The following GPRIN2 variants were observed in gnomAD, a reference collection of about 807,000 sequenced individuals.
The protein encoded by GPRIN2 is G protein regulated inducer of neurite outgrowth 2.
GPRIN2 carries 1 observed loss-of-function variant against 0.3 expected under a neutral mutation model. The observed-to-expected ratio is 3.90, with a 90% CI of 1.39 to 18.51. The LOEUF (loss-of-function observed/expected upper bound fraction) is 18.51. Among genes scored for constraint, GPRIN2 ranks in the 30% most tolerant of loss-of-function variants. The probability of loss-of-function intolerance (pLI) is 0.11; values close to 1 mark genes in which losing one functional copy is unlikely to be tolerated. For synonymous variants in GPRIN2, 361 were observed against 258.6 expected (o/e 1.40, Z -3.80); for missense variants, 880 against 604.2 (o/e 1.46, Z -4.79).
In GPRIN2 at chr10:46,551,437, G is replaced by A. The variant is rs1006477200; in HGVS notation, c.-6-695C>T. 14 of 985,528 alleles carry A rather than the reference G, an allele frequency of 1.4e-5. No individual in the cohort carries two copies. In the African/African-American group the frequency reaches 2.3e-4, roughly 16 times the overall value. The allele number at this position is 985,528 out of a possible 1,614,324, so 61.0% of individuals were successfully genotyped here. ...CTACCTCTAGCTCCAGGGGCAAGGA[G>A]AGGCCCCATGCATCAGCTTTTTCCA... On this transcript the variant is annotated intron_variant, in intron 2 of 2. Coordinates refer to ENST00000374314, the MANE Select transcript of GPRIN2 (RefSeq NM_001385282.1).
rs1555019233 is a variant in GPRIN2, at chr10:46,550,192, G to A, written c.545C>T (p.Thr182Ile). Residue 182 changes from threonine (T) to isoleucine (I), a missense_variant, in exon 3 of 3, where the codon ACT becomes ATT. Coordinates refer to ENST00000374314, the MANE Select transcript of GPRIN2 (RefSeq NM_001385282.1). ...LERDLAPEDE[T>I]SNSAWMLGAS... ...CCCCAGCATCCAGGCTGAGTTAGAA[G>A]TCTCATCCTCAGGAGCCAGGTCCCT... 3 of 1,600,620 alleles carry A rather than the reference G, an allele frequency of 1.9e-6. No homozygotes were observed. Among genetic ancestry groups the A allele is most frequent in the South Asian group, 2.2e-5 (2 of 89,572 alleles).
rs1266388307 is a variant in GPRIN2, at chr10:46,546,703, G to C, written c.*2657C>G. 2.0e-5 allele frequency among the ~76,000 whole-genome samples: 3 copies of C among 152,310 alleles called. No individual in the cohort carries two copies. Among genetic ancestry groups the C allele is most frequent in the Non-Finnish European group, 4.4e-5 (3 of 68,058 alleles). The stretch of plus-strand genomic sequence containing the variant: ...GTTCCAGGAGAGGGCACAGCAAAGG[G>C]GGTTGGGAGGGGTCTCCAGTTCCAA... On this transcript the variant is annotated 3_prime_UTR_variant, in exon 3 of 3. Coordinates refer to ENST00000374314, the MANE Select transcript of GPRIN2 (RefSeq NM_001385282.1).
In GPRIN2 at chr10:46,542,689, T is replaced by C. The variant is rs1841850132; in HGVS notation, c.*6671A>G. Among the ~76,000 whole-genome samples the C allele has an allele frequency of 1.3e-5, 2 of 152,308 alleles. No homozygotes were observed. Among genetic ancestry groups the C allele is most frequent in the Admixed American group, 1.3e-4 (2 of 15,292 alleles). Reference sequence around the variant, plus strand: ...TTATAGCAGCATGAAAATGGACTAATATGGAGGGGTCAAAGACAGAAATCT... The same window carrying C: ...TTATAGCAGCATGAAAATGGACTAACATGGAGGGGTCAAAGACAGAAATCT... On this transcript the variant is annotated 3_prime_UTR_variant, in exon 3 of 3. Transcript: ENST00000374314.
chr10:46,542,936 A>T lies in GPRIN2; in HGVS notation c.*6424T>A, dbSNP rs1841868186. Among the ~76,000 whole-genome samples, 1 of 152,308 alleles carries T rather than the reference A, an allele frequency of 6.6e-6. No individual in the cohort carries two copies. The highest frequency in any genetic ancestry group is 6.5e-5 in the Admixed American group (1 of 15,294). ...ACCTGATGTACCTCTCTAGCAGCCT[A>T]GCCAGCCAGCCACCAACAAGGGCCA... On this transcript the variant is annotated 3_prime_UTR_variant, in exon 3 of 3. Transcript: ENST00000374314.
intron 2 of GPRIN2, among the ~76,000 whole-genome samples, chr10:46,552,008 C>T (rs1309503215): frequency 2.6e-5 from 4 of 152,312 alleles, no homozygotes; most frequent in Non-Finnish European, 5.9e-5. Context: ...TGTGCCTGAC[C>T]AAGAGAACAA....
In GPRIN2 at chr10:46,546,740, G is replaced by A. The variant is rs1842195166; in HGVS notation, c.*2620C>T. On this transcript the variant is annotated 3_prime_UTR_variant, in exon 3 of 3. Coordinates refer to ENST00000374314, the MANE Select transcript of GPRIN2 (RefSeq NM_001385282.1). ...GTCTCCAGTTCCAATCAGAAATGAGGCTGCAGTCACTTCAGGTAGACCTGT... is the reference window on the plus strand; with the variant it reads ...GTCTCCAGTTCCAATCAGAAATGAGACTGCAGTCACTTCAGGTAGACCTGT... 6.6e-6 allele frequency among the ~76,000 whole-genome samples: 1 copy of A among 152,312 alleles called. No homozygotes were observed. Among genetic ancestry groups the A allele is most frequent in the Non-Finnish European group, 1.5e-5 (1 of 68,058 alleles).
At position 46,549,783 on chromosome 10, in the gene GPRIN2, T is replaced by G; in HGVS notation, c.954A>C (p.Ser318=). ...CCTCTGCAGGGGCCAAGTCATTGGC[T>G]GAGGTCATGGTCCACACATCTTTGG... The part of the protein sequence containing the change: ...SRTKDVWTMT[S]ANDLAPAEAS... The change falls in exon 3 of 3, where the codon TCA becomes TCC. Residue 318 remains serine (S), a synonymous_variant. Coordinates refer to ENST00000374314, the MANE Select transcript of GPRIN2 (RefSeq NM_001385282.1). 1 of 1,614,186 alleles carries G rather than the reference T, an allele frequency of 6.2e-7. No individual in the cohort carries two copies. Among genetic ancestry groups the G allele is most frequent in the Non-Finnish European group, 8.5e-7 (1 of 1,180,046 alleles).
At position 46,547,680 on chromosome 10, in the gene GPRIN2, T is replaced by C. The variant is rs1048943619; in HGVS notation, c.*1680A>G. 4.0e-4 allele frequency among the ~76,000 whole-genome samples: 61 copies of C among 152,356 alleles called. No individual in the cohort carries two copies. The highest frequency in any genetic ancestry group is 9.2e-4 in the Admixed American group (14 of 15,290). On this transcript the variant is annotated 3_prime_UTR_variant, in exon 3 of 3. Coordinates refer to ENST00000374314, the MANE Select transcript of GPRIN2 (RefSeq NM_001385282.1). ...CTCATGTGGCCCTAACAGGCTGGGGTTCCTGGAGACTCCATGGGGAGCCAG... is the reference window on the plus strand; with the variant it reads ...CTCATGTGGCCCTAACAGGCTGGGGCTCCTGGAGACTCCATGGGGAGCCAG...
chr10:46,543,391 A>G lies in GPRIN2; in HGVS notation c.*5969T>C, dbSNP rs1175727639. Among the ~76,000 whole-genome samples the G allele has an allele frequency of 6.6e-6, 1 of 152,310 alleles. No individual in the cohort carries two copies. The highest frequency in any genetic ancestry group is 1.5e-5 in the Non-Finnish European group (1 of 68,058). On this transcript the variant is annotated 3_prime_UTR_variant, in exon 3 of 3. Transcript: ENST00000374314. Reference sequence around the variant, plus strand: ...TAACCCAGAACAAAGAGAACATGAAACCACAAAAGAAGAACAGATTAAAGA... The same window carrying G: ...TAACCCAGAACAAAGAGAACATGAAGCCACAAAAGAAGAACAGATTAAAGA...
chr10:46,549,907 T>C lies in GPRIN2; in HGVS notation c.830A>G (p.Lys277Arg). Residue 277 changes from lysine to arginine, a missense_variant, in exon 3 of 3, where the codon AAG (lysine) becomes AGG (arginine). By Grantham distance (26) the Lys-to-Arg change is conservative. Transcript: ENST00000374314. ...ESGLQAQHGVKIHCRLSGGLP... is the reference protein window; with the variant it reads ...ESGLQAQHGVRIHCRLSGGLP... ...CCCCCCAGACAACCTACAGTGGATC[T>C]TCACCCCATGCTGAGCCTGCAGCCC... 6.2e-7 allele frequency: 1 copy of C among 1,614,280 alleles called. No individual in the cohort carries two copies. Among genetic ancestry groups the C allele is most frequent in the Non-Finnish European group, 8.5e-7 (1 of 1,180,060 alleles).
rs897752340 is a variant in GPRIN2, at chr10:46,543,202, C to T, written c.*6158G>A. On this transcript the variant is annotated 3_prime_UTR_variant, in exon 3 of 3. Transcript: ENST00000374314. ...CATGTAAATCACAAATGCCAAGACC[C>T]AGACACAGCCACAGCTGGGGGCCTG... 6.6e-6 allele frequency among the ~76,000 whole-genome samples: 1 copy of T among 152,304 alleles called. No homozygotes were observed. Among genetic ancestry groups the T allele is most frequent in the Non-Finnish European group, 1.5e-5 (1 of 68,054 alleles).
rs1833011150 is a variant in GPRIN2 at position 46,544,020 on chromosome 10, G to A, written c.*5340C>T. Among the ~76,000 whole-genome samples, 49 of 152,226 alleles carry A rather than the reference G, an allele frequency of 3.2e-4. No individual in the cohort carries two copies. Among genetic ancestry groups the A allele is most frequent in the Middle Eastern group, 6.8e-3 (2 of 292 alleles). On this transcript the variant is annotated 3_prime_UTR_variant, in exon 3 of 3. Transcript: ENST00000374314. ...GGTGTTCTTCTGCTTTATTATTCCC[G>A]TGTAGCCACAGCAACAGAACTGGCC...
At position 46,547,811 on chromosome 10, in the gene GPRIN2, C is replaced by A. The variant is rs1842302649; in HGVS notation, c.*1549G>T. On this transcript the variant is annotated 3_prime_UTR_variant, in exon 3 of 3. Coordinates refer to ENST00000374314, the MANE Select transcript of GPRIN2 (RefSeq NM_001385282.1). Reference sequence around the variant, plus strand: ...AGCCCCAGAATCCCAAGGGGTGCACCTATGCATATGGGAAAGGCATGTTTA... The same window carrying A: ...AGCCCCAGAATCCCAAGGGGTGCACATATGCATATGGGAAAGGCATGTTTA... Among the ~76,000 whole-genome samples the A allele has an allele frequency of 6.6e-6, 1 of 152,308 alleles. No homozygotes were observed. The highest frequency in any genetic ancestry group is 2.4e-5 in the African/African-American group (1 of 41,486).
At position 46,550,677 on chromosome 10, in the gene GPRIN2, G is replaced by A. The variant is rs1555020902; in HGVS notation, c.60C>T (p.Pro20=). The part of the protein sequence containing the change: ...PWAPLSPRLQ[P]LSQSSSSLLG... ...GCAGGCTGGAAGAGCTCTGGGACAG[G>A]GGCTGAAGGCGGGGGCTCAGGGGTG... Residue 20 remains proline, a synonymous_variant, in exon 3 of 3, where the codon CCC becomes CCT. Transcript: ENST00000374314. 26 of 1,521,426 alleles carry A rather than the reference G, an allele frequency of 1.7e-5. No homozygotes were observed. Among genetic ancestry groups the A allele is most frequent in the East Asian group, 2.3e-5 (1 of 43,402 alleles). The allele number at this position is 1,521,426 out of a possible 1,614,324, so 94.2% of individuals were successfully genotyped here.
intron 1 of GPRIN2, among the ~76,000 whole-genome samples, chr10:46,555,807 C>A (rs1264650451): frequency 1.3e-5 from 2 of 152,304 alleles, no homozygotes; most frequent in Admixed American, 6.5e-5. Context: ...CGGTGTGTCC[C>A]TATCTGCACG....
In GPRIN2 at chr10:46,542,329, A is replaced by G. The variant is rs1448929454; in HGVS notation, c.*7031T>C. On this transcript the variant is annotated 3_prime_UTR_variant, in exon 3 of 3. Coordinates refer to ENST00000374314, the MANE Select transcript of GPRIN2 (RefSeq NM_001385282.1). The stretch of plus-strand genomic sequence containing the variant: ...TGCTTTGGCTGTGTCCCCACCCAAA[A>G]TCTCATCTTGAATTGTAATCCCTAT... 6.6e-6 allele frequency among the ~76,000 whole-genome samples: 1 copy of G among 152,312 alleles called. No homozygotes were observed. Among genetic ancestry groups the G allele is most frequent in the African/African-American group, 2.4e-5 (1 of 41,488 alleles).
rs1832272100 is a variant in GPRIN2, at chr10:46,550,700, G to A, written c.37C>T (p.Pro13Ser). 1.3e-6 allele frequency: 2 copies of A among 1,512,162 alleles called. No homozygotes were observed. The highest frequency in any genetic ancestry group is 1.4e-5 in the South Asian group (1 of 73,626). 93.7% of individuals were successfully genotyped at this position (1,512,162 alleles called of 1,614,324 possible). A position where few individuals can be genotyped will look rare whatever the true frequency, so the allele number is the denominator to read the frequency against. The part of the protein sequence containing the change: ...SSRPEPGPWA[P>S]LSPRLQPLSQ... The stretch of plus-strand genomic sequence containing the variant: ...AGGGGCTGAAGGCGGGGGCTCAGGG[G>A]TGCCCAGGGACCCGGCTCGGGGCGG... Residue 13 changes from proline to serine, a missense_variant, in exon 3 of 3, where the codon CCC becomes TCC. By Grantham distance (74) the Pro-to-Ser change is moderately conservative. Coordinates refer to ENST00000374314, the MANE Select transcript of GPRIN2 (RefSeq NM_001385282.1).
At chr10:46,553,527 A>T (rs1015833044) in intron 2 of GPRIN2, among the ~76,000 whole-genome samples, 6 of 152,416 alleles carry the variant, frequency 3.9e-5, no homozygotes, top group South Asian at 2.1e-4. Flanking sequence ...CAGCCAGGCC[A>T]GCAGCCTCTG....
rs1842278044 is a variant in GPRIN2 at position 46,547,564 on chromosome 10, A to C, written c.*1796T>G. 6.6e-6 allele frequency among the ~76,000 whole-genome samples: 1 copy of C among 150,662 alleles called. No homozygotes were observed. On this transcript the variant is annotated 3_prime_UTR_variant, in exon 3 of 3. Coordinates refer to ENST00000374314, the MANE Select transcript of GPRIN2 (RefSeq NM_001385282.1). The stretch of plus-strand genomic sequence containing the variant: ...GGCAGGTCCTGCCCTCTCTCCACCC[A>C]CCTGTCTAACCCCTGCATCCTCAAG...
Sources: gnomAD v4.1 joint callset for allele counts (sites outside exome capture counted in the v4.1 genomes callset) on GRCh38, gnomAD v4.1.1 for gene constraint, MANE v1.5 for transcripts, NCBI Gene and HGNC (gene_info 2026-07-23, HGNC 2026-07-21) for gene names.